TENM1: variants seen among roughly 807,000 people sequenced by gnomAD.
The protein encoded by TENM1 is teneurin transmembrane protein 1, also known as teneurin-1.
In TENM1, 35 loss-of-function variants were observed where a neutral mutation model predicts 174.8. The observed-to-expected ratio is 0.20, with a 90% CI of 0.15 to 0.27. The LOEUF is 0.27. TENM1 is among the 10% of genes least tolerant of loss of function. TENM1 has a pLI of 1.00. For synonymous variants in TENM1, 781 were observed against 798.7 expected (o/e 0.98, Z 0.37); for missense variants, 1,633 against 2,130.1 (o/e 0.77, Z 4.59).
chrX:124,536,281 A>G (rs1398186038), intron 15 of TENM1, among the ~76,000 whole-genome samples: 1 of 111,184 alleles, frequency 9.0e-6, no homozygotes, highest in African/African-American at 3.3e-5. Context: ...GTGAATGCTC[A>G]TATGCAAACC....
intron 1 of TENM1, 130 bp downstream of exon 4, chrX:124,963,407 G>C: frequency 1.8e-6 from 1 of 543,956 alleles, no homozygotes; most frequent in Non-Finnish European, 3.0e-6. Flanking sequence ...TAGATTCTCT[G>C]AGCATATATA....
At chrX:125,062,412 T>C in the TENM1 span, among the ~76,000 whole-genome samples, 1 of 111,595 alleles carries the variant, frequency 9.0e-6, no homozygotes, top group South Asian at 3.8e-4. Flanking sequence ...TAATCAAGAA[T>C]AAGGTCTGAC....
the TENM1 span, among the ~76,000 whole-genome samples, chrX:125,041,356 C>T: frequency 9.0e-6 from 1 of 110,893 alleles, no homozygotes; most frequent in African/African-American, 3.3e-5. Context: ...ACTTTCTCCA[C>T]AAAAAAAGGC....
At chrX:124,803,996 A>T (rs2055523700) in intron 3 of TENM1, among the ~76,000 whole-genome samples, 1 of 112,104 alleles carries the variant, frequency 8.9e-6, no homozygotes, top group Admixed American at 9.4e-5. Context: ...TTTATAGGTG[A>T]TATAACTGTG....
At chrX:125,008,095 TAA>T in the TENM1 span, among the ~76,000 whole-genome samples, 2 of 111,002 alleles carry the variant, frequency 1.8e-5, no homozygotes, top group African/African-American at 3.3e-5. Flanking sequence ...GCAAATAGGA[TAA>T]AGAGTCAAGA....
At chrX:124,595,016 T>C (rs2049855951) in intron 11 of TENM1, among the ~76,000 whole-genome samples, 1 of 112,064 alleles carries the variant, frequency 8.9e-6, no homozygotes, top group South Asian at 3.7e-4. Flanking sequence ...AAAAGTGTTG[T>C]ACTCCTTTGT....
chrX:124,463,074 C>T (rs1038791120), intron 22 of TENM1, among the ~76,000 whole-genome samples: 8 of 111,618 alleles, frequency 7.2e-5, no homozygotes, highest in African/African-American at 1.6e-4. Flanking sequence ...CTCATGACAC[C>T]GCTCCCCCCA....
chrX:124,737,922 G>A (rs183069597), intron 3 of TENM1, among the ~76,000 whole-genome samples: 73 of 112,239 alleles, frequency 6.5e-4, no homozygotes, highest in Non-Finnish European at 1.2e-3. Flanking sequence ...AGGCAGCAAG[G>A]AAACAGATTT....
chrX:124,837,178 T>C (rs2056408932), intron 3 of TENM1, among the ~76,000 whole-genome samples: 1 of 112,370 alleles, frequency 8.9e-6, no homozygotes, highest in South Asian at 3.7e-4. Context: ...AACCTGTGCC[T>C]CCCGGGTTCA....
intron 1 of TENM1, among the ~76,000 whole-genome samples, chrX:124,958,435 T>A (rs1372011594): frequency 8.9e-6 from 1 of 111,903 alleles, no homozygotes; most frequent in Admixed American, 9.5e-5. Flanking sequence ...TCTGCCCTTT[T>A]CTAATGATAA....
chrX:124,800,312 C>A lies in TENM1; in HGVS notation c.536-63115G>T, dbSNP rs747546338. ...ATTAGTCTATTCAGGGATTCAACTT[C>A]TTCCTGGTTTAGTCTTGGGATGGTG... is the stretch of plus-strand genomic sequence containing the variant. On this transcript the variant is annotated intron_variant, in intron 3 of 31. Coordinates refer to ENST00000422452, the Ensembl canonical transcript of TENM1. Among the ~76,000 whole-genome samples the A allele has an allele frequency of 1.8e-4, 20 of 111,773 alleles. No homozygotes were observed. The South Asian group carries it at 7.5e-3, about 42-fold the overall frequency.
chrX:124,548,913 T>C (rs1233461032), intron 14 of TENM1, among the ~76,000 whole-genome samples: 1 of 112,129 alleles, frequency 8.9e-6, no homozygotes, highest in Admixed American at 9.4e-5. Context: ...TTCCCTGTAC[T>C]ATAGACACTA....
intron 11 of TENM1, among the ~76,000 whole-genome samples, chrX:124,635,780 C>T (rs1004249454): frequency 2.7e-5 from 3 of 112,191 alleles, no homozygotes; most frequent in Non-Finnish European, 5.6e-5. Flanking sequence ...GAGGCTAGGG[C>T]CAATACCCTT....
intron 3 of TENM1, among the ~76,000 whole-genome samples, chrX:124,782,244 C>T (rs1170587284): frequency 9.0e-6 from 1 of 111,597 alleles, no homozygotes; most frequent in East Asian, 2.8e-4. Context: ...AGCCATTGTA[C>T]AATTTTAGGT....
chrX:124,387,485 G>T (rs1022256703), intron 28 of TENM1, among the ~76,000 whole-genome samples: 2 of 111,948 alleles, frequency 1.8e-5, no homozygotes, highest in Non-Finnish European at 3.8e-5. Context: ...CAAGCAAAGA[G>T]ATTTAGTTGA....
chrX:125,020,957 ATTGAT>A, the TENM1 span, among the ~76,000 whole-genome samples: 1 of 111,422 alleles, frequency 9.0e-6, no homozygotes, highest in Non-Finnish European at 1.9e-5. Context: ...CTCTTCTAAC[ATTGAT>A]TTAACACTCT....
intron 3 of TENM1, among the ~76,000 whole-genome samples, chrX:124,804,713 C>T (rs2055547621): frequency 9.0e-6 from 1 of 111,440 alleles, no homozygotes; most frequent in Admixed American, 9.5e-5. Context: ...CCAAGTTCTC[C>T]AATTGTTTGT....
intron 11 of TENM1, among the ~76,000 whole-genome samples, chrX:124,606,313 C>A (rs1456750730): frequency 9.0e-6 from 1 of 111,215 alleles, no homozygotes; most frequent in Non-Finnish European, 1.9e-5. Context: ...CATTTCTTTG[C>A]CTCTATAAGA....
At chrX:124,897,274 T>C (rs1188197189) in intron 1 of TENM1, among the ~76,000 whole-genome samples, 1 of 111,706 alleles carries the variant, frequency 9.0e-6, no homozygotes, top group African/African-American at 3.3e-5. Flanking sequence ...CCAAGACATA[T>C]CATCTGAAAT....
Sources: allele counts gnomAD v4.1 joint callset (sites outside exome capture counted in the v4.1 genomes callset), GRCh38; gene constraint gnomAD v4.1.1; transcripts MANE v1.5; gene names NCBI Gene and HGNC (gene_info 2026-07-23, HGNC 2026-07-21).